TMEM132B: variants seen among roughly 807,000 people sequenced by gnomAD.
TMEM132B encodes transmembrane protein 132B.
Under a neutral mutation model 90.8 loss-of-function variants are expected in TMEM132B, and 18 were observed. The observed-to-expected ratio is 0.20, with a 90% CI of 0.14 to 0.29. The LOEUF (loss-of-function observed/expected upper bound fraction) is 0.29. TMEM132B is among the 10% of genes least tolerant of loss of function. The probability of loss-of-function intolerance (pLI) is 1.00; values close to 1 mark genes in which losing one functional copy is unlikely to be tolerated. For missense variants in TMEM132B, 1,096 were observed against 1,326.8 expected (o/e 0.83, Z 2.70); for synonymous variants, 504 against 523.3 (o/e 0.96, Z 0.50).
intron 5 of TMEM132B, among the ~76,000 whole-genome samples, chr12:125,629,739 A>C (rs1886314133): frequency 6.6e-6 from 1 of 152,110 alleles, no homozygotes; most frequent in Non-Finnish European, 1.5e-5. Flanking sequence ...AAGGGCTTTC[A>C]GTTTTTCCCT....
intron 3 of TMEM132B, among the ~76,000 whole-genome samples, chr12:125,416,450 C>T (rs934635330): frequency 6.6e-6 from 1 of 152,252 alleles, no homozygotes; most frequent in Non-Finnish European, 1.5e-5. Context: ...GAGCCCCTTC[C>T]GAGTTTGTTG....
chr12:125,278,315 A>C (rs916153547), intron 1 of TMEM132B, among the ~76,000 whole-genome samples: 2 of 152,192 alleles, frequency 1.3e-5, no homozygotes, highest in African/African-American at 2.4e-5. Flanking sequence ...CCTTTACAGA[A>C]AGACTGTGCT....
intron 8 of TMEM132B, among the ~76,000 whole-genome samples, chr12:125,653,325 A>G (rs763018476): frequency 1.3e-5 from 2 of 152,234 alleles, no homozygotes; most frequent in Non-Finnish European, 2.9e-5. Context: ...TATGCAATAA[A>G]TTAATTTATA....
intron 4 of TMEM132B, among the ~76,000 whole-genome samples, chr12:125,583,015 A>C (rs370207569): frequency 1.4e-4 from 22 of 152,366 alleles, no homozygotes; most frequent in African/African-American, 5.3e-4. Flanking sequence ...ACACTTTCAA[A>C]GAGTTATAAT....
chr12:125,432,366 A>AGAATATATAT (rs1880533908), intron 3 of TMEM132B, among the ~76,000 whole-genome samples: 1 of 11,916 alleles, frequency 8.4e-5, no homozygotes, highest in Non-Finnish European at 1.8e-4. Context: ...GAATTCCTTG[A>AGAATATATAT]ATATATATAT....
chr12:125,478,242 G>A (rs1881940444), intron 3 of TMEM132B, among the ~76,000 whole-genome samples: 2 of 152,184 alleles, frequency 1.3e-5, no homozygotes, highest in South Asian at 4.1e-4. Context: ...GCCAGCAATG[G>A]AACAAAGCAG....
intron 3 of TMEM132B, among the ~76,000 whole-genome samples, chr12:125,439,821 T>A (rs1485245737): frequency 6.6e-6 from 1 of 152,222 alleles, no homozygotes; most frequent in Non-Finnish European, 1.5e-5. Context: ...AGATGGCTAT[T>A]ATTATTTTGA....
chr12:125,536,087 C>T (rs1229172533), intron 4 of TMEM132B, among the ~76,000 whole-genome samples: 1 of 152,170 alleles, frequency 6.6e-6, no homozygotes, highest in African/African-American at 2.4e-5. Context: ...TTCCACATGC[C>T]ATGTATCAGC....
chr12:125,640,900 G>A (rs1241962729), intron 5 of TMEM132B, among the ~76,000 whole-genome samples: 1 of 150,730 alleles, frequency 6.6e-6, no homozygotes, highest in Non-Finnish European at 1.5e-5. Flanking sequence ...GAATTAGCGA[G>A]TACTGAACCT....
intron 5 of TMEM132B, chr12:125,586,480 C>T (rs1394511250): frequency 6.6e-6 from 1 of 152,214 alleles, no homozygotes; most frequent in Non-Finnish European, 1.5e-5. Flanking sequence ...GGTTTCATTT[C>T]ACTGTGGTCA....
chr12:125,294,861 TAGG>T (rs1426097731), intron 1 of TMEM132B, among the ~76,000 whole-genome samples: 3 of 151,016 alleles, frequency 2.0e-5, no homozygotes, highest in Non-Finnish European at 1.5e-5. Context: ...TTTTTAATAA[TAGG>T]AGAAAGTGTT....
chr12:125,255,574 T>C (rs4765233), intron 1 of TMEM132B, among the ~76,000 whole-genome samples: 3,387 of 152,242 alleles, frequency 0.022, 110 homozygotes, highest in African/African-American at 0.062. Flanking sequence ...TATTAAAGGA[T>C]CTTTTCTTGT....
chr12:125,245,364 C>T (rs1593054176), intron 1 of TMEM132B, among the ~76,000 whole-genome samples: 1 of 151,540 alleles, frequency 6.6e-6, no homozygotes, highest in Admixed American at 6.6e-5. Flanking sequence ...AACCAGGCAA[C>T]TCTTGCCCCT....
intron 1 of TMEM132B, among the ~76,000 whole-genome samples, chr12:125,263,146 T>C (rs1364979144): frequency 6.6e-6 from 1 of 152,222 alleles, no homozygotes; most frequent in Non-Finnish European, 1.5e-5. Flanking sequence ...TGGTTTTACA[T>C]CTGTGGGGAC....
At chr12:125,464,198 C>G (rs1045237737) in intron 3 of TMEM132B, among the ~76,000 whole-genome samples, 18 of 152,222 alleles carry the variant, frequency 1.2e-4, no homozygotes, top group Non-Finnish European at 2.4e-4. Context: ...ACTGAACTCT[C>G]TCTCAGCCAG....
intron 5 of TMEM132B, among the ~76,000 whole-genome samples, chr12:125,591,626 G>A (rs1885321104): frequency 6.6e-6 from 1 of 152,176 alleles, no homozygotes; most frequent in African/African-American, 2.4e-5. Context: ...TCCTTTCGCA[G>A]TTCTGGAGGC....
Position 125,406,740 on chromosome 12 carries a change from C to T in TMEM132B, c.960-8791C>T, listed in dbSNP as rs769769269. ...GAAAGCTGGGAAGGTCTCAAGACCA[C>T]CCTCACTTCTGATGCCATCTGCAAG... On this transcript the variant is annotated intron_variant, in intron 2 of 8. Coordinates refer to ENST00000682704, the MANE Select transcript of TMEM132B (RefSeq NM_001366854.1). This position sits in a 1 kb window ranked among gnomAD's most constrained non-coding sequence, Gnocchi z 8.3. Among the ~76,000 whole-genome samples, 1 of 152,182 alleles carries T rather than the reference C, an allele frequency of 6.6e-6. No individual in the cohort carries two copies. The highest frequency in any genetic ancestry group is 6.5e-5 in the Admixed American group (1 of 15,282).
At position 125,659,237 on chromosome 12, in the gene TMEM132B, A is replaced by G. The variant is rs1416440368; in HGVS notation, c.*4527A>G. On this transcript the variant is annotated 3_prime_UTR_variant, in exon 9 of 9. Coordinates refer to ENST00000682704, the MANE Select transcript of TMEM132B (RefSeq NM_001366854.1). ...GAAAACATTTCTTATTTGTTATCCT[A>G]GTAGGCTGGGGAAAGCTTCTCTCCA... 6.6e-6 allele frequency: 1 copy of G among 152,222 alleles called. No individual in the cohort carries two copies. Among genetic ancestry groups the G allele is most frequent in the Non-Finnish European group, 1.5e-5 (1 of 68,028 alleles). The allele number at this position is 152,222 out of a possible 1,614,324, so 9.4% of individuals were successfully genotyped here.
At chr12:125,552,939 C>G (rs923283011) in intron 4 of TMEM132B, among the ~76,000 whole-genome samples, 2 of 152,200 alleles carry the variant, frequency 1.3e-5, no homozygotes, top group African/African-American at 4.8e-5. Context: ...GAGTGGCCTC[C>G]CAGCCTAAGC....
Sources: gnomAD v4.1 joint callset for allele counts (sites outside exome capture counted in the v4.1 genomes callset) on GRCh38, gnomAD v4.1.1 for gene constraint, Gnocchi (gnomAD v3.1) non-coding constraint, MANE v1.5 for transcripts, NCBI Gene and HGNC (gene_info 2026-07-23, HGNC 2026-07-21) for gene names.